The following MTBP variants were observed in gnomAD, a reference collection of about 807,000 sequenced individuals.
The protein encoded by MTBP is MDM2 binding protein.
Under a neutral mutation model 117.0 loss-of-function variants are expected in MTBP, and 101 were observed. That is an observed-to-expected ratio of 0.86 (90% CI 0.73 to 1.02). The LOEUF is 1.02. Ranked by LOEUF, MTBP falls within the 50% of genes least tolerant of loss-of-function variation. The pLI is 0.00. For synonymous variants in MTBP, 350 were observed against 351.5 expected (o/e 1.00, Z 0.05); for missense variants, 970 against 1,030.9 (o/e 0.94, Z 0.81).
chr8:120,470,944 A>T lies in MTBP; in HGVS notation c.1165+7A>T. On this transcript the variant is annotated splice_region_variant and intron_variant, in intron 11 of 21. Coordinates refer to ENST00000305949, the MANE Select transcript of MTBP (RefSeq NM_022045.5). Reference sequence around the variant, plus strand: ...AAGCCTAAAACAATCAGTGGTAAGTATTACATGTTTCGGTTGTTTTAATGA... The same window carrying T: ...AAGCCTAAAACAATCAGTGGTAAGTTTTACATGTTTCGGTTGTTTTAATGA... 1 of 1,542,398 alleles carries T rather than the reference A, an allele frequency of 6.5e-7. No individual in the cohort carries two copies. Among genetic ancestry groups the T allele is most frequent in the Admixed American group, 1.7e-5 (1 of 59,696 alleles).
intron 7 of MTBP, among the ~76,000 whole-genome samples, chr8:120,458,344 G>C (rs903697594): frequency 6.6e-6 from 1 of 152,142 alleles, no homozygotes; most frequent in Non-Finnish European, 1.5e-5. Flanking sequence ...GATGATAATA[G>C]TTCCTATCGC....
Position 120,510,664 on chromosome 8 carries a change from A to G in MTBP, c.1979+635A>G, listed in dbSNP as rs181662207. ...CGCCTGTAATCCCAACACTTTGAGAAGCTGAGGCAGGTGGATCGCTTGAGC... is the reference window on the plus strand; with the variant it reads ...CGCCTGTAATCCCAACACTTTGAGAGGCTGAGGCAGGTGGATCGCTTGAGC... On this transcript the variant is annotated intron_variant, in intron 17 of 21. Coordinates refer to ENST00000305949, the MANE Select transcript of MTBP (RefSeq NM_022045.5). 1.5e-3 allele frequency among the ~76,000 whole-genome samples: 233 copies of G among 152,188 alleles called. 1 individual carries two copies. The highest frequency in any genetic ancestry group is 5.3e-3 in the African/African-American group (220 of 41,548).
At chr8:120,450,943 C>T in intron 2 of MTBP, 60 bp from the exon 3 acceptor site, 1 of 1,164,854 alleles carries the variant, frequency 8.6e-7, no homozygotes, top group Non-Finnish European at 1.3e-6. Context: ...GGTATATATG[C>T]TGTGTCATCT....
chr8:120,450,925 G>C, intron 2 of MTBP, 78 bp from the exon 3 acceptor site: 1 of 951,546 alleles, frequency 1.1e-6, no homozygotes, highest in Non-Finnish European at 1.6e-6. Context: ...GTTATGGTCT[G>C]TAAGTACGGT....
At chr8:120,495,948 A>G (rs558447024) in intron 13 of MTBP, among the ~76,000 whole-genome samples, 44 of 152,110 alleles carry the variant, frequency 2.9e-4, no homozygotes, top group Non-Finnish European at 5.0e-4. Flanking sequence ...ATTCCAATGA[A>G]TAATACCCAC....
At chr8:120,458,851 A>C (rs549758519) in intron 7 of MTBP, among the ~76,000 whole-genome samples, 138 of 150,620 alleles carry the variant, frequency 9.2e-4, no homozygotes, top group African/African-American at 3.2e-3. Context: ...CAAAGCCAAA[A>C]AAAAAAAAAA....
chr8:120,505,896 G>C (rs1814676334), intron 15 of MTBP, among the ~76,000 whole-genome samples: 1 of 151,954 alleles, frequency 6.6e-6, no homozygotes, highest in African/African-American at 2.4e-5. Context: ...AGTTAGTCTG[G>C]TTCTATCATT....
At chr8:120,484,598 GT>G (rs1814170823) in intron 11 of MTBP, among the ~76,000 whole-genome samples, 1 of 152,064 alleles carries the variant, frequency 6.6e-6, no homozygotes, top group African/African-American at 2.4e-5. Flanking sequence ...CTTTCTTTTT[GT>G]GAGCAGAACT....
At chr8:120,457,669 A>C (rs1586940012) in intron 7 of MTBP, among the ~76,000 whole-genome samples, 1 of 152,184 alleles carries the variant, frequency 6.6e-6, no homozygotes, top group Non-Finnish European at 1.5e-5. Context: ...TCACGCCTAT[A>C]ATCTCAGCAC....
intron 14 of MTBP, among the ~76,000 whole-genome samples, chr8:120,499,180 T>C (rs1386586285): frequency 6.6e-6 from 1 of 152,216 alleles, no homozygotes; most frequent in East Asian, 1.9e-4. Flanking sequence ...CATTTCTGTT[T>C]CCTTTTTACC....
chr8:120,512,384 T>C (rs935351440), intron 17 of MTBP, among the ~76,000 whole-genome samples: 6 of 152,106 alleles, frequency 3.9e-5, no homozygotes, highest in Non-Finnish European at 8.8e-5. Flanking sequence ...TTTAGATTAT[T>C]TCTCCCAAAA....
intron 11 of MTBP, among the ~76,000 whole-genome samples, chr8:120,482,698 TTTTC>T (rs1451185777): frequency 3.3e-5 from 5 of 152,070 alleles, no homozygotes; most frequent in Non-Finnish European, 5.9e-5. Context: ...TTCTTTTTTT[TTTTC>T]TTTCTTTCTT....
At chr8:120,480,502 A>G (rs1406192539) in intron 11 of MTBP, among the ~76,000 whole-genome samples, 1 of 152,176 alleles carries the variant, frequency 6.6e-6, no homozygotes, top group African/African-American at 2.4e-5. Flanking sequence ...GAAAAGGAAA[A>G]ACAACATTTG....
rs1449165222 is a variant in MTBP at position 120,455,506 on chromosome 8, A to G, written c.556A>G (p.Thr186Ala). 26 of 1,606,614 alleles carry G rather than the reference A, an allele frequency of 1.6e-5. No individual in the cohort carries two copies. Among genetic ancestry groups the G allele is most frequent in the Non-Finnish European group, 2.2e-5 (26 of 1,174,292 alleles). Residue 186 changes from threonine to alanine, a missense_variant, in exon 6 of 22, where the codon ACT (threonine) becomes GCT (alanine). Physicochemically the swap from Thr to Ala is moderately conservative, Grantham distance 58. Transcript: ENST00000305949. ...TCCTAAATTGAAAGACTATTTACCT[A>G]CTGTAGGAGCATTAAAACATTTGAG... ...DPPKLKDYLPTVGALKHLREW... is the reference protein window; with the variant it reads ...DPPKLKDYLPAVGALKHLREW...
chr8:120,503,385 T>C (rs887531938), intron 15 of MTBP, among the ~76,000 whole-genome samples: 3 of 152,140 alleles, frequency 2.0e-5, no homozygotes, highest in Non-Finnish European at 4.4e-5. Flanking sequence ...ATGTAATAGT[T>C]GTAAATTATT....
At chr8:120,451,530 A>G in intron 4 of MTBP, 1 of 472,070 alleles carries the variant, frequency 2.1e-6, no homozygotes, top group Non-Finnish European at 3.8e-6. Flanking sequence ...CAAGAATCAT[A>G]AAAAGTGATA....
At position 120,463,735 on chromosome 8, in the gene MTBP, G is replaced by A; in HGVS notation, c.1021G>A (p.Glu341Lys). ...STKQNSVLLL[E>K]QISSLCSKVG... ...CAAACAGAATTCTGTGTTGCTGTTG[G>A]AGCAGATTTCTTCTCTGTGTAGCAA... Residue 341 changes from glutamate (E) to lysine (K), a missense_variant, in exon 10 of 22, where the codon GAG becomes AAG. Glu to Lys is a moderately conservative substitution (Grantham distance 56). Coordinates refer to ENST00000305949, the MANE Select transcript of MTBP (RefSeq NM_022045.5). 3 of 1,612,112 alleles carry A rather than the reference G, an allele frequency of 1.9e-6. No homozygotes were observed. The highest frequency in any genetic ancestry group is 2.5e-6 in the Non-Finnish European group (3 of 1,178,768).
intron 13 of MTBP, among the ~76,000 whole-genome samples, chr8:120,492,890 T>C (rs968278962): frequency 6.6e-6 from 1 of 152,212 alleles, no homozygotes; most frequent in Admixed American, 6.5e-5. Flanking sequence ...GTTGGTAATT[T>C]ATGACTTTTT....
chr8:120,522,863 ATAGGCTTATT>A (rs1815029875), intron 21 of MTBP, 144 bp downstream of exon 21: 1 of 608,414 alleles, frequency 1.6e-6, no homozygotes, highest in East Asian at 3.0e-5. Context: ...AAGAAACTTC[ATAGGCTTATT>A]TAGGCTGAGT....
Sources: allele counts gnomAD v4.1 joint callset (sites outside exome capture counted in the v4.1 genomes callset), GRCh38; gene constraint gnomAD v4.1.1; transcripts MANE v1.5; gene names NCBI Gene and HGNC (gene_info 2026-07-23, HGNC 2026-07-21).